Variants in SLC35E3 observed in about 807,000 individuals in gnomAD.
SLC35E3 encodes the protein solute carrier family 35 member E3, also known as bladder cancer-overexpressed gene 1 protein.
SLC35E3 carries 28 observed loss-of-function variants against 30.8 expected under a neutral mutation model. The observed-to-expected ratio is 0.91, with a 90% CI of 0.67 to 1.25. The LOEUF is 1.25. Ranked by LOEUF, SLC35E3 falls within the 50% of genes most tolerant of loss-of-function variation. The pLI is 0.00. For synonymous variants in SLC35E3, 146 were observed against 149.2 expected, an observed-to-expected ratio of 0.98 and a Z score of 0.16; for missense variants, 365 against 375.4, an observed-to-expected ratio of 0.97 and a Z score of 0.23.
chr12:68,763,841 T>G (rs879730481), intron 4 of SLC35E3, among the ~76,000 whole-genome samples: 1 of 152,214 alleles, frequency 6.6e-6, no homozygotes, highest in Non-Finnish European at 1.5e-5. Context: ...CCATTCATGT[T>G]TGGACTCCAC....
chr12:68,779,104 T>TCAAAAA lies in SLC35E3; in HGVS notation c.*14233_*14238dup, dbSNP rs374517272. On this transcript the variant is annotated 3_prime_UTR_variant, in exon 5 of 5. Coordinates refer to ENST00000398004, the MANE Select transcript of SLC35E3 (RefSeq NM_018656.5). ...CTGGGCGACAGAACAAGACTCTGTC[T>TCAAAAA]CAAAAACAAAAACAAAAACAAAAAA... The TCAAAAA allele has an allele frequency of 0.022, 3,316 of 152,356 alleles. 116 individuals are homozygous for TCAAAAA. The highest frequency in any genetic ancestry group is 0.076 in the African/African-American group (3,133 of 41,350). 9.4% of individuals were successfully genotyped at this position (152,356 alleles called of 1,614,324 possible).
intron 3 of SLC35E3, among the ~76,000 whole-genome samples, chr12:68,755,601 G>T (rs1004991990): frequency 3.9e-5 from 6 of 152,188 alleles, no homozygotes; most frequent in African/African-American, 1.4e-4. Context: ...AGAAGCATTA[G>T]TGCTGGCATC....
In SLC35E3 at chr12:68,764,863, T is replaced by G. The variant is rs1356489042; in HGVS notation, c.915T>G (p.Ser305Arg). ...TTAAGCTCAGTGAACAGGAAGGAAG[T>G]AGGAGTAAACTGGCACAACGTCCTT... Reference protein sequence around the residue: ...THFKLSEQEGSRSKLAQRP With the variant: ...THFKLSEQEGRRSKLAQRP Residue 305 changes from serine to arginine, a missense_variant, in exon 5 of 5, where the codon AGT becomes AGG. Transcript: ENST00000398004. 3 of 1,613,720 alleles carry G rather than the reference T, an allele frequency of 1.9e-6. No homozygotes were observed. The highest frequency in any genetic ancestry group is 2.5e-6 in the Non-Finnish European group (3 of 1,179,918).
At chr12:68,757,274 C>A (rs959533883) in intron 3 of SLC35E3, among the ~76,000 whole-genome samples, 1 of 152,168 alleles carries the variant, frequency 6.6e-6, no homozygotes, top group Non-Finnish European at 1.5e-5. Context: ...GAACTAGCTT[C>A]TTTATATTCT....
chr12:68,761,187 C>G (rs1019339486), intron 4 of SLC35E3, among the ~76,000 whole-genome samples: 2 of 152,162 alleles, frequency 1.3e-5, no homozygotes, highest in African/African-American at 2.4e-5. Flanking sequence ...GACTATTAAA[C>G]TGAGTAAGAT....
intron 4 of SLC35E3, among the ~76,000 whole-genome samples, chr12:68,762,808 C>A: frequency 6.6e-6 from 1 of 152,188 alleles, no homozygotes; most frequent in Non-Finnish European, 1.5e-5. Flanking sequence ...CAGGAAGTCA[C>A]CTTCATGGGA....
intron 4 of SLC35E3, among the ~76,000 whole-genome samples, chr12:68,762,006 G>A (rs887600185): frequency 1.3e-5 from 2 of 151,996 alleles, no homozygotes; most frequent in African/African-American, 4.8e-5. Context: ...TGTCACCCAG[G>A]CTGGAGTGAA....
intron 3 of SLC35E3, among the ~76,000 whole-genome samples, chr12:68,758,292 C>T (rs980955206): frequency 5.3e-5 from 8 of 151,830 alleles, no homozygotes; most frequent in Non-Finnish European, 1.2e-4. Context: ...CAGTGGCAGG[C>T]GCCTGTAGTC....
In SLC35E3 at chr12:68,746,329, A is replaced by T. The variant is rs189423877; in HGVS notation, c.-49A>T. 6.9e-5 allele frequency: 105 copies of T among 1,518,582 alleles called. No homozygotes were observed. In the African/African-American group the frequency reaches 1.3e-3, roughly 19 times the overall value. 94.1% of individuals were successfully genotyped at this position (1,518,582 alleles called of 1,614,324 possible). Reference sequence around the variant, plus strand: ...GTGGAGTAGAAGGGCAGCCGGAGACAGGCCCGGCGCCCCTTCCGAGGCTAG... The same window carrying T: ...GTGGAGTAGAAGGGCAGCCGGAGACTGGCCCGGCGCCCCTTCCGAGGCTAG... On this transcript the variant is annotated 5_prime_UTR_variant, in exon 1 of 5. Transcript: ENST00000398004.
chr12:68,770,799 A>G lies in SLC35E3; in HGVS notation c.*5909A>G, dbSNP rs1879582738. On this transcript the variant is annotated 3_prime_UTR_variant, in exon 5 of 5. Transcript: ENST00000398004. ...CAGTGCGCCATGATCACGCCACTGC[A>G]CTCTAGCCTGGGTGACAGAGTGAGT... 6.6e-6 allele frequency: 1 copy of G among 152,176 alleles called. No individual in the cohort carries two copies. 9.4% of individuals were successfully genotyped at this position (152,176 alleles called of 1,614,324 possible). A position where few individuals can be genotyped will look rare whatever the true frequency, so the allele number is the denominator to read the frequency against.
At position 68,746,383 on chromosome 12, in the gene SLC35E3, A is replaced by G. The variant is rs1878556278; in HGVS notation, c.6A>G (p.Ala2=). 4.4e-6 allele frequency: 7 copies of G among 1,586,732 alleles called. No homozygotes were observed. The highest frequency in any genetic ancestry group is 6.0e-6 in the Non-Finnish European group (7 of 1,164,912). M[A]LLVDRVRGHW... is the part of the protein sequence containing the mutation. ...GCCCCAGCTTCGCGGGGATCATGGC[A>G]TTGCTGGTGGACCGAGTGCGGGGCC... The change falls in exon 1 of 5, where the codon GCA becomes GCG. Residue 2 remains alanine (A), a synonymous_variant. Transcript: ENST00000398004.
At chr12:68,760,963 CA>C (rs1879215615) in intron 4 of SLC35E3, among the ~76,000 whole-genome samples, 1 of 152,102 alleles carries the variant, frequency 6.6e-6, no homozygotes, top group African/African-American at 2.4e-5. Context: ...AGGAAGGCAT[CA>C]GTGGGAAGAC....
rs1045771171 is a variant in SLC35E3, at chr12:68,772,044, T to A, written c.*7154T>A. ...ACCTTTTTTTTAATTTTAATTTTTA[T>A]TTTTTATTTTTTGAGACAGAGTTTC... On this transcript the variant is annotated 3_prime_UTR_variant, in exon 5 of 5. Transcript: ENST00000398004. 5.9e-5 allele frequency: 9 copies of A among 152,178 alleles called. No individual in the cohort carries two copies. Among genetic ancestry groups the A allele is most frequent in the Non-Finnish European group, 1.0e-4 (7 of 68,046 alleles). 9.4% of individuals were successfully genotyped at this position (152,178 alleles called of 1,614,324 possible).
At chr12:68,756,301 TA>T (rs34141831) in intron 3 of SLC35E3, among the ~76,000 whole-genome samples, 34,901 of 116,952 alleles carry the variant, frequency 0.3, 4,734 homozygotes, top group Middle Eastern at 0.35. Flanking sequence ...GAAAAGCCAT[TA>T]AAAAAAAAAA....
Position 68,773,734 on chromosome 12 carries a change from G to C in SLC35E3, c.*8844G>C, listed in dbSNP as rs1879665595. ...GCAAGATTAACCTTTTTGGACTGGA[G>C]TTCTTAGAGAATTATGGTGTGACTC... On this transcript the variant is annotated 3_prime_UTR_variant, in exon 5 of 5. Transcript: ENST00000398004. The C allele has an allele frequency of 6.6e-6, 1 of 152,064 alleles. No individual in the cohort carries two copies. Among genetic ancestry groups the C allele is most frequent in the Admixed American group, 6.6e-5 (1 of 15,236 alleles). The allele number at this position is 152,064 out of a possible 1,614,324, so 9.4% of individuals were successfully genotyped here. A position where few individuals can be genotyped will look rare whatever the true frequency, so the allele number is the denominator to read the frequency against.
intron 4 of SLC35E3, 21 bp downstream of exon 4, chr12:68,759,260 A>G (rs369054581): frequency 7.1e-6 from 11 of 1,548,586 alleles, no homozygotes; most frequent in Non-Finnish European, 8.9e-6. Flanking sequence ...CATATAACTT[A>G]GAAATGCATC....
In SLC35E3 at chr12:68,777,231, G is replaced by A. The variant is rs1879769369; in HGVS notation, c.*12341G>A. ...CCAGTGCCATAGGACCATGGACATTGGTGAGCAACTGTGTGCTGGGAGGAA... is the reference window on the plus strand; with the variant it reads ...CCAGTGCCATAGGACCATGGACATTAGTGAGCAACTGTGTGCTGGGAGGAA... On this transcript the variant is annotated 3_prime_UTR_variant, in exon 5 of 5. Transcript: ENST00000398004. 6.6e-6 allele frequency: 1 copy of A among 152,194 alleles called. No individual in the cohort carries two copies. Among genetic ancestry groups the A allele is most frequent in the Non-Finnish European group, 1.5e-5 (1 of 68,028 alleles). 9.4% of individuals were successfully genotyped at this position (152,194 alleles called of 1,614,324 possible).
rs1388446517 is a variant in SLC35E3, at chr12:68,762,279, TGA to T, written c.756-2423_756-2422del. ...AGTAGAAGAAAATAAGTCCAAAGAC[TGA>T]GTGTTGGGTTTGAGTCCAGTATTTG... On this transcript the variant is annotated intron_variant, in intron 4 of 4. Transcript: ENST00000398004. Among the ~76,000 whole-genome samples the T allele has an allele frequency of 2.0e-5, 3 of 152,072 alleles. 1 individual carries two copies. Among genetic ancestry groups the T allele is most frequent in the Admixed American group, 2.0e-4 (3 of 15,254 alleles).
At chr12:68,759,019 G>A (rs750202480) in intron 3 of SLC35E3, 138 bp from the exon 4 acceptor site, 38 of 651,440 alleles carry the variant, frequency 5.8e-5, no homozygotes, top group African/African-American at 1.3e-4. Context: ...GTGAGCCACC[G>A]CGCCCGGCCC....
Sources: gnomAD v4.1 joint callset for allele counts (sites outside exome capture counted in the v4.1 genomes callset) on GRCh38, gnomAD v4.1.1 for gene constraint, MANE v1.5 for transcripts, NCBI Gene and HGNC (gene_info 2026-07-23, HGNC 2026-07-21) for gene names.